The following GPATCH8 variants were observed in gnomAD, a reference collection of about 807,000 sequenced individuals.
The protein encoded by GPATCH8 is G-patch domain containing 8.
In GPATCH8, 18 loss-of-function variants were observed where a neutral mutation model predicts 118.3. The observed-to-expected ratio is 0.15, with a 90% confidence interval of 0.11 to 0.23. The LOEUF (loss-of-function observed/expected upper bound fraction) is 0.23. Ranked by LOEUF, GPATCH8 falls within the 10% of genes least tolerant of loss-of-function variation. GPATCH8 has a pLI of 1.00. For synonymous variants in GPATCH8, 659 were observed against 684.7 expected (o/e 0.96, Z 0.59); for missense variants, 1,631 against 1,873.8 (o/e 0.87, Z 2.39).
At chr17:44,421,913 G>C (rs1388223362) in intron 6 of GPATCH8, among the ~76,000 whole-genome samples, 1 of 151,378 alleles carries the variant, frequency 6.6e-6, no homozygotes, top group African/African-American at 2.4e-5. Context: ...TTTTAGTAGA[G>C]ACAGGGTTTT....
At chr17:44,424,207 A>G (rs548551453) in intron 6 of GPATCH8, 142 bp downstream of exon 6, 8 of 680,148 alleles carry the variant, frequency 1.2e-5, no homozygotes, top group Admixed American at 1.1e-4. Flanking sequence ...CTGAAAAAAC[A>G]AAGTGTGTTG....
rs1392996902 is a variant in GPATCH8 at position 44,401,318 on chromosome 17, G to T, written c.759C>A (p.Phe253Leu). 6.2e-7 allele frequency: 1 copy of T among 1,610,358 alleles called. No individual in the cohort carries two copies. Among genetic ancestry groups the T allele is most frequent in the South Asian group, 1.1e-5 (1 of 90,852 alleles). ...TGAAAGGGCCTCCTTTATCTGTGGA[G>T]AATTCAGATCCCAGGCCACAAGAAG... is the stretch of plus-strand genomic sequence containing the variant. ...ATASCGLGSE[F>L]STDKGGPFTA... Residue 253 changes from phenylalanine (F) to leucine (L), a missense_variant, in exon 8 of 8, where the codon TTC becomes TTA. Around this residue, in one of 8 missense-constraint regions of GPATCH8, gnomAD observed 405 missense variants for 462.7 expected, o/e 0.88. Transcript: ENST00000591680.
chr17:44,481,095 G>C (rs191698157), intron 1 of GPATCH8, among the ~76,000 whole-genome samples: 1 of 152,248 alleles, frequency 6.6e-6, no homozygotes, highest in Admixed American at 6.5e-5. Context: ...ATTGTTGGTA[G>C]AGATGGGGTT....
Position 44,413,271 on chromosome 17 carries a change from C to A in GPATCH8, c.493-7220G>T, listed in dbSNP as rs907874863. ...AGAGAAAAAGAAAAAAATACAAATT[C>A]TTTTTCTTCTTATTTTTGAGACAGA... On this transcript the variant is annotated intron_variant, in intron 6 of 7. Transcript: ENST00000591680. Among the ~76,000 whole-genome samples the A allele has an allele frequency of 2.6e-5, 4 of 152,204 alleles. No individual in the cohort carries two copies. The East Asian group carries it at 5.8e-4, about 22-fold the overall frequency.
At chr17:44,427,189 C>T (rs1229352205) in intron 5 of GPATCH8, among the ~76,000 whole-genome samples, 1 of 151,918 alleles carries the variant, frequency 6.6e-6, no homozygotes, top group Non-Finnish European at 1.5e-5. Flanking sequence ...AATCCTCCCA[C>T]CTCGGCCTTC....
At chr17:44,420,172 G>A (rs1018265638) in intron 6 of GPATCH8, among the ~76,000 whole-genome samples, 2 of 151,954 alleles carry the variant, frequency 1.3e-5, no homozygotes, top group African/African-American at 4.8e-5. Context: ...TAGTGAACAG[G>A]CAGTCCATGA....
At chr17:44,471,369 T>A (rs778948002) in intron 2 of GPATCH8, among the ~76,000 whole-genome samples, 2 of 152,178 alleles carry the variant, frequency 1.3e-5, no homozygotes, top group Non-Finnish European at 1.5e-5. Context: ...CTGGTTTGCA[T>A]CAAATTTAGC....
intron 6 of GPATCH8, among the ~76,000 whole-genome samples, chr17:44,413,196 G>GT (rs2049512782): frequency 6.6e-6 from 1 of 152,130 alleles, no homozygotes; most frequent in Non-Finnish European, 1.5e-5. Flanking sequence ...CAAGTATTTG[G>GT]TAAGAGAGAA....
intron 1 of GPATCH8, among the ~76,000 whole-genome samples, chr17:44,494,105 A>C (rs183433592): frequency 1.4e-3 from 209 of 152,168 alleles, no homozygotes; most frequent in Middle Eastern, 6.8e-3. Context: ...CCTATTTCAA[A>C]CATTGTGTTC....
intron 2 of GPATCH8, among the ~76,000 whole-genome samples, chr17:44,471,640 T>C (rs989801710): frequency 2.6e-5 from 4 of 152,184 alleles, no homozygotes; most frequent in Non-Finnish European, 5.9e-5. Context: ...AGAAAGATTT[T>C]AATTCAGCAC....
chr17:44,409,953 G>T (rs946448104), intron 6 of GPATCH8, among the ~76,000 whole-genome samples: 18 of 152,098 alleles, frequency 1.2e-4, no homozygotes, highest in African/African-American at 4.3e-4. Flanking sequence ...TCTACTATTT[G>T]TAGGAAAGGT....
intron 1 of GPATCH8, among the ~76,000 whole-genome samples, chr17:44,475,374 C>T (rs1181626301): frequency 3.6e-5 from 5 of 140,568 alleles, no homozygotes; most frequent in African/African-American, 1.1e-4. Context: ...AACGAGACTC[C>T]ATCTCAAAAA....
chr17:44,404,942 A>C (rs533276670), intron 7 of GPATCH8, among the ~76,000 whole-genome samples: 1 of 152,326 alleles, frequency 6.6e-6, no homozygotes, highest in African/African-American at 2.4e-5. Context: ...GATTTGTTAC[A>C]AAATTACAGC....
intron 3 of GPATCH8, among the ~76,000 whole-genome samples, chr17:44,439,324 A>G (rs928180245): frequency 3.9e-5 from 6 of 152,174 alleles, no homozygotes; most frequent in Admixed American, 3.9e-4. Flanking sequence ...CTTCCTGTTA[A>G]CCGAGACTTC....
At chr17:44,442,857 G>A (rs1276803983) in intron 3 of GPATCH8, among the ~76,000 whole-genome samples, 1 of 152,196 alleles carries the variant, frequency 6.6e-6, no homozygotes, top group Non-Finnish European at 1.5e-5. Flanking sequence ...GCAGGAAGAT[G>A]CCTTGAGGAC....
intron 6 of GPATCH8, among the ~76,000 whole-genome samples, chr17:44,410,942 A>C (rs1253846170): frequency 1.3e-5 from 2 of 152,246 alleles, no homozygotes; most frequent in African/African-American, 4.8e-5. Context: ...TTCTTAAAAC[A>C]TAACTTAAAC....
chr17:44,443,782 T>C (rs996727803), intron 3 of GPATCH8, among the ~76,000 whole-genome samples: 1 of 152,146 alleles, frequency 6.6e-6, no homozygotes, highest in African/African-American at 2.4e-5. Flanking sequence ...AATCCTCCCA[T>C]CTCAGCTTCC....
intron 6 of GPATCH8, among the ~76,000 whole-genome samples, chr17:44,421,415 G>C (rs1477089552): frequency 6.7e-6 from 1 of 149,078 alleles, no homozygotes; most frequent in Non-Finnish European, 1.5e-5. Context: ...ACCCAGGCTG[G>C]AGTGCAGTGG....
chr17:44,479,813 A>C (rs1287912037), intron 1 of GPATCH8, among the ~76,000 whole-genome samples: 1 of 152,032 alleles, frequency 6.6e-6, no homozygotes, highest in African/African-American at 2.4e-5. Context: ...CTAAAAATAC[A>C]AAAATTAGCC....
Sources: allele counts gnomAD v4.1 joint callset (sites outside exome capture counted in the v4.1 genomes callset), GRCh38; gene constraint gnomAD v4.1.1; regional missense constraint gnomAD v4.1.1; transcripts MANE v1.5; gene names NCBI Gene and HGNC (gene_info 2026-07-23, HGNC 2026-07-21).